PRKCE: variants seen among roughly 807,000 people sequenced by gnomAD.
PRKCE encodes the protein protein kinase C epsilon type.
A neutral mutation model predicts 85.4 loss-of-function variants in PRKCE; 16 were observed. That is an observed-to-expected ratio of 0.19 (90% CI 0.13 to 0.28). The LOEUF (loss-of-function observed/expected upper bound fraction) is 0.28. PRKCE is among the 10% of genes least tolerant of loss of function. The pLI is 1.00. For synonymous variants in PRKCE, 388 were observed against 371.5 expected, an observed-to-expected ratio of 1.04 and a Z score of -0.51; for missense variants, 573 against 975.2, an observed-to-expected ratio of 0.59 and a Z score of 5.49.
chr2:45,724,064 G>C (rs375641606), intron 1 of PRKCE, among the ~76,000 whole-genome samples: 1 of 152,266 alleles, frequency 6.6e-6, no homozygotes, highest in African/African-American at 2.4e-5. Flanking sequence ...CTGGCATCTT[G>C]CTATATGCAG....
chr2:46,031,506 T>G (rs527294764), intron 10 of PRKCE, among the ~76,000 whole-genome samples: 88 of 152,136 alleles, frequency 5.8e-4, no homozygotes, highest in African/African-American at 2.0e-3. Flanking sequence ...CTATTTAGAT[T>G]TCTATGCACA....
At chr2:45,832,329 T>TTG (rs1690496863) in intron 1 of PRKCE, among the ~76,000 whole-genome samples, 1 of 151,546 alleles carries the variant, frequency 6.6e-6, no homozygotes, top group Non-Finnish European at 1.5e-5. Flanking sequence ...TTTTTTTTTT[T>TTG]TGAGACAGAG....
chr2:46,111,254 C>G (rs1672229675), intron 11 of PRKCE, among the ~76,000 whole-genome samples: 1 of 152,118 alleles, frequency 6.6e-6, no homozygotes, highest in South Asian at 2.1e-4. Flanking sequence ...TGATTTTCTG[C>G]CTGCTTGATC....
intron 10 of PRKCE, among the ~76,000 whole-genome samples, chr2:46,012,084 G>A (rs1430197866): frequency 6.6e-6 from 1 of 152,118 alleles, no homozygotes; most frequent in Non-Finnish European, 1.5e-5. Context: ...ACAGAATCCT[G>A]AATAATAGAG....
At chr2:46,168,180 C>A (rs1459177590) in intron 14 of PRKCE, among the ~76,000 whole-genome samples, 1 of 152,166 alleles carries the variant, frequency 6.6e-6, no homozygotes, top group Non-Finnish European at 1.5e-5. Flanking sequence ...CTTTGCTGGG[C>A]ACTTTCATAA....
intron 2 of PRKCE, among the ~76,000 whole-genome samples, chr2:45,846,643 G>A (rs982791358): frequency 6.6e-6 from 1 of 152,206 alleles, no homozygotes; most frequent in African/African-American, 2.4e-5. Context: ...TCTTTCTGCA[G>A]CCACAGGCTG....
At chr2:45,765,330 C>G (rs57979445) in intron 1 of PRKCE, among the ~76,000 whole-genome samples, 44 of 152,260 alleles carry the variant, frequency 2.9e-4, no homozygotes, top group African/African-American at 1.0e-3. Context: ...ATTGAAAGGT[C>G]AAACTAATGG....
intron 2 of PRKCE, among the ~76,000 whole-genome samples, chr2:45,863,787 A>G (rs1469296879): frequency 6.6e-6 from 1 of 151,880 alleles, no homozygotes; most frequent in East Asian, 1.9e-4. Flanking sequence ...TCATGATAGC[A>G]GGCTTCATCT....
intron 11 of PRKCE, among the ~76,000 whole-genome samples, chr2:46,124,081 T>G (rs1463118508): frequency 6.6e-6 from 1 of 151,908 alleles, no homozygotes; most frequent in African/African-American, 2.4e-5. Flanking sequence ...TCTCAGCACT[T>G]TGGGAGGCCA....
intron 10 of PRKCE, among the ~76,000 whole-genome samples, chr2:46,080,090 A>ATGTTT (rs1188153076): frequency 2.0e-5 from 3 of 152,192 alleles, no homozygotes; most frequent in Non-Finnish European, 2.9e-5. Context: ...CAGGAAGTTG[A>ATGTTT]TGTTTTGTTT....
chr2:45,831,450 T>G (rs1690416805), intron 1 of PRKCE, among the ~76,000 whole-genome samples: 1 of 152,208 alleles, frequency 6.6e-6, no homozygotes, highest in Non-Finnish European at 1.5e-5. Context: ...GAAGCACTAA[T>G]GTCCTCTGGG....
At chr2:45,941,008 G>A (rs1319422989) in intron 2 of PRKCE, among the ~76,000 whole-genome samples, 2 of 144,394 alleles carry the variant, frequency 1.4e-5, no homozygotes, top group African/African-American at 5.1e-5. Flanking sequence ...GGAGATTGCA[G>A]TGAGCCAAGA....
chr2:45,655,866 A>AAAAAAAAG (rs1489887244), intron 1 of PRKCE, among the ~76,000 whole-genome samples: 143 of 151,378 alleles, frequency 9.4e-4, no homozygotes, highest in African/African-American at 3.4e-3. Flanking sequence ...AAAAAAAAAA[A>AAAAAAAAG]AAAAAGGTAG....
chr2:45,902,954 G>A (rs1696682850), intron 2 of PRKCE, among the ~76,000 whole-genome samples: 1 of 152,140 alleles, frequency 6.6e-6, no homozygotes, highest in Admixed American at 6.5e-5. Flanking sequence ...TTTCCCAGAT[G>A]GGCATATATA....
chr2:45,698,582 A>C (rs918084500), intron 1 of PRKCE, among the ~76,000 whole-genome samples: 14 of 151,540 alleles, frequency 9.2e-5, no homozygotes, highest in Non-Finnish European at 1.8e-4. Context: ...AAAAAAATAT[A>C]TGAAGGAAGA....
chr2:45,959,374 G>A (rs1701228672), intron 2 of PRKCE, among the ~76,000 whole-genome samples: 1 of 152,166 alleles, frequency 6.6e-6, no homozygotes, highest in Non-Finnish European at 1.5e-5. Flanking sequence ...TAGTTCTCCT[G>A]CCTTAAACAC....
intron 10 of PRKCE, among the ~76,000 whole-genome samples, chr2:46,085,763 TTTTTTTTTTA>T: frequency 6.8e-5 from 6 of 88,288 alleles, no homozygotes; most frequent in Non-Finnish European, 1.3e-4. Flanking sequence ...TTGTTTTTTT[TTTTTTTTTTA>T]GCCATATAAG....
intron 2 of PRKCE, among the ~76,000 whole-genome samples, chr2:45,913,684 A>G (rs1269914693): frequency 1.3e-5 from 2 of 152,260 alleles, no homozygotes; most frequent in Non-Finnish European, 2.9e-5. Context: ...CTATCCATGC[A>G]TATGTTCACT....
At chr2:45,839,495 C>G (rs1354780889) in intron 1 of PRKCE, among the ~76,000 whole-genome samples, 1 of 152,206 alleles carries the variant, frequency 6.6e-6, no homozygotes, top group African/African-American at 2.4e-5. Context: ...TCTGGGAGAA[C>G]TGGGAGGAGC....
Sources: gnomAD v4.1 joint callset for allele counts (sites outside exome capture counted in the v4.1 genomes callset) on GRCh38, gnomAD v4.1.1 for gene constraint, MANE v1.5 for transcripts, NCBI Gene and HGNC (gene_info 2026-07-23, HGNC 2026-07-21) for gene names.